Variants in FSHR observed in about 807,000 individuals in gnomAD.
FSHR encodes follicle stimulating hormone receptor.
In FSHR, 46 loss-of-function variants were observed where a neutral mutation model predicts 52.1. The ratio of observed to expected loss-of-function variants is 0.88; its 90% CI spans 0.70 to 1.13. The LOEUF is 1.13. Ranked by LOEUF, FSHR falls within the 50% of genes most tolerant of loss-of-function variation. The probability of loss-of-function intolerance (pLI) is 0.00; values close to 1 mark genes in which losing one functional copy is unlikely to be tolerated. For missense variants in FSHR, 964 were observed against 834.6 expected (o/e 1.16, Z -1.91); for synonymous variants, 399 against 309.6 (o/e 1.29, Z -3.03).
chr2:48,963,229 A>T lies in FSHR; in HGVS notation c.1592T>A (p.Val531Asp), dbSNP rs1456854575. 1 of 1,614,072 alleles carries T rather than the reference A, an allele frequency of 6.2e-7. No individual in the cohort carries two copies. The highest frequency in any genetic ancestry group is 8.5e-7 in the Non-Finnish European group (1 of 1,180,038). Reference protein sequence around the residue: ...DIDSPLSQLYVMSLLVLNVLA... With the variant: ...DIDSPLSQLYDMSLLVLNVLA... ...GACATTGAGCACAAGGAGGGACATG[A>T]CATACAGCTGTGACAAAGGGCTGTC... The change falls in exon 10 of 10, where the codon GTC becomes GAC. Residue 531 changes from valine (V) to aspartate (D), a missense_variant. Physicochemically the swap from Val to Asp is radical, Grantham distance 152. Transcript: ENST00000406846.
intron 2 of FSHR, among the ~76,000 whole-genome samples, chr2:49,057,264 C>A (rs1447902774): frequency 4.0e-5 from 6 of 151,746 alleles, no homozygotes; most frequent in African/African-American, 1.5e-4. Flanking sequence ...ATGAACAAAC[C>A]ATTAGCTAGA....
Position 49,106,390 on chromosome 2 carries a change from C to T in FSHR, c.153-38100G>A, listed in dbSNP as rs373205045. Among the ~76,000 whole-genome samples, 18 of 151,972 alleles carry T rather than the reference C, an allele frequency of 1.2e-4. No individual in the cohort carries two copies. The East Asian group carries it at 1.9e-3, about 16-fold the overall frequency. ...GAGAAAGAGAGCTCCTGCAGTTGGC[C>T]AACAGATAGAGGATATGAGTGCATG... On this transcript the variant is annotated intron_variant, in intron 1 of 9. Transcript: ENST00000406846.
intron 1 of FSHR, among the ~76,000 whole-genome samples, chr2:49,138,827 T>C (rs1421782090): frequency 6.6e-6 from 1 of 152,162 alleles, no homozygotes; most frequent in Non-Finnish European, 1.5e-5. Flanking sequence ...AATGAGAAGA[T>C]TGTATTGTAT....
chr2:48,979,064 A>C (rs1353211576), intron 8 of FSHR, among the ~76,000 whole-genome samples: 1 of 152,120 alleles, frequency 6.6e-6, no homozygotes, highest in Non-Finnish European at 1.5e-5. Context: ...CTCAGAGAGC[A>C]CTCTGGACAA....
chr2:49,095,244 TAATAA>T (rs1670779461), intron 1 of FSHR, among the ~76,000 whole-genome samples: 2 of 152,090 alleles, frequency 1.3e-5, no homozygotes, highest in African/African-American at 4.8e-5. Flanking sequence ...AGAGCTACAG[TAATAA>T]GATGTGGTAG....
chr2:49,029,985 G>A (rs528117607), intron 2 of FSHR, among the ~76,000 whole-genome samples: 10 of 152,258 alleles, frequency 6.6e-5, no homozygotes, highest in Admixed American at 3.3e-4. Flanking sequence ...AGGGTGAGGC[G>A]GGGCTCCATG....
At chr2:49,096,887 G>T (rs1312557591) in intron 1 of FSHR, among the ~76,000 whole-genome samples, 2 of 152,056 alleles carry the variant, frequency 1.3e-5, no homozygotes, top group Non-Finnish European at 2.9e-5. Flanking sequence ...CCACTTTCTT[G>T]CTCCTGCTCT....
chr2:48,966,414 T>G (rs1674480057), intron 9 of FSHR, among the ~76,000 whole-genome samples: 1 of 152,118 alleles, frequency 6.6e-6, no homozygotes, highest in Admixed American at 6.6e-5. Context: ...TAATGCAAAA[T>G]GAATACAGAA....
chr2:49,010,941 AGTG>A (rs1667246605), intron 4 of FSHR, among the ~76,000 whole-genome samples: 1 of 151,728 alleles, frequency 6.6e-6, no homozygotes, highest in Non-Finnish European at 1.5e-5. Flanking sequence ...TAGTCTTGCT[AGTG>A]GTCTATCAAT....
At chr2:49,082,279 G>A (rs1670202349) in intron 1 of FSHR, among the ~76,000 whole-genome samples, 1 of 152,190 alleles carries the variant, frequency 6.6e-6, no homozygotes, top group African/African-American at 2.4e-5. Context: ...ACCTGCAGCT[G>A]AGGGTCCTGT....
rs760896533 is a variant in FSHR at position 49,017,465 on chromosome 2, G to T, written c.374+24C>A. The T allele has an allele frequency of 1.3e-5, 21 of 1,564,218 alleles. No individual in the cohort carries two copies. The Admixed American group carries it at 3.2e-4, about 24-fold the overall frequency. ...CTTGCACTATTTAATCATAGTGGGG[G>T]TACCAAACTACATGAGTTCTTACAG... On this transcript the variant is annotated intron_variant, in intron 4 of 9. Transcript: ENST00000406846.
rs150530296 is a variant in FSHR, at chr2:49,045,100, C to T, written c.224+23119G>A. Among the ~76,000 whole-genome samples the T allele has an allele frequency of 7.5e-3, 1,142 of 151,882 alleles. 12 individuals carry two copies. Among genetic ancestry groups the T allele is most frequent in the African/African-American group, 0.025 (1,042 of 41,434 alleles). ...GGGAATATGAAAAGTGTTTTTTTTC[C>T]CCATAATCTATCATTTGGCTAATAG... On this transcript the variant is annotated intron_variant, in intron 2 of 9. Coordinates refer to ENST00000406846, the MANE Select transcript of FSHR (RefSeq NM_000145.4).
rs540146126 is a variant in FSHR at position 49,126,680 on chromosome 2, C to A, written c.152+27586G>T. Among the ~76,000 whole-genome samples the A allele has an allele frequency of 3.3e-5, 5 of 152,240 alleles. No homozygotes were observed. The South Asian group carries it at 1.0e-3, about 32-fold the overall frequency. ...GGACTGGGGATCACTATGTTCAATT[C>A]TGTCACTGTATAGAGGAATAAACTG... On this transcript the variant is annotated intron_variant, in intron 1 of 9. Coordinates refer to ENST00000406846, the MANE Select transcript of FSHR (RefSeq NM_000145.4).
intron 2 of FSHR, among the ~76,000 whole-genome samples, chr2:49,027,479 A>G (rs1471939882): frequency 1.3e-5 from 2 of 152,224 alleles, no homozygotes; most frequent in Non-Finnish European, 2.9e-5. Flanking sequence ...ACAGTGGTGC[A>G]GCTAGTCTTT....
chr2:48,987,278 AC>A (rs755226107), intron 6 of FSHR, among the ~76,000 whole-genome samples: 2 of 152,044 alleles, frequency 1.3e-5, no homozygotes, highest in Admixed American at 6.6e-5. Context: ...ATCTTGGCTC[AC>A]TGCAAACTCT....
chr2:49,086,738 T>C (rs1670407313), intron 1 of FSHR, among the ~76,000 whole-genome samples: 1 of 152,154 alleles, frequency 6.6e-6, no homozygotes, highest in African/African-American at 2.4e-5. Flanking sequence ...CATGCCAGGT[T>C]CAAGTGATTC....
chr2:49,013,334 T>C (rs1392933594), intron 4 of FSHR, among the ~76,000 whole-genome samples: 1 of 151,380 alleles, frequency 6.6e-6, no homozygotes, highest in East Asian at 1.9e-4. Flanking sequence ...AGGTGGAAGC[T>C]TAATTAGGTT....
At chr2:49,004,516 C>G (rs1449047115) in intron 4 of FSHR, among the ~76,000 whole-genome samples, 1 of 152,106 alleles carries the variant, frequency 6.6e-6, no homozygotes, top group Non-Finnish European at 1.5e-5. Flanking sequence ...ACACTGGGAG[C>G]CCCAGATTCA....
At chr2:49,064,007 TAAAAA>T (rs553145303) in intron 2 of FSHR, among the ~76,000 whole-genome samples, 4 of 150,246 alleles carry the variant, frequency 2.7e-5, no homozygotes, top group African/African-American at 9.8e-5. Flanking sequence ...TAAAAAATAA[TAAAAA>T]AGAAAAAACT....
Sources: gnomAD v4.1 joint callset for allele counts (sites outside exome capture counted in the v4.1 genomes callset) on GRCh38, gnomAD v4.1.1 for gene constraint, MANE v1.5 for transcripts, NCBI Gene and HGNC (gene_info 2026-07-23, HGNC 2026-07-21) for gene names.